SPINDOC: variants seen among roughly 807,000 people sequenced by gnomAD.
SPINDOC encodes the protein spindlin interactor and repressor of chromatin binding.
Under a neutral mutation model 30.7 loss-of-function variants are expected in SPINDOC, and 13 were observed. The ratio of observed to expected loss-of-function variants is 0.42; its 90% CI spans 0.28 to 0.67. SPINDOC has a LOEUF of 0.67. Ranked by LOEUF, SPINDOC falls within the 30% of genes least tolerant of loss-of-function variation. The pLI is 0.22. For missense variants in SPINDOC, 438 were observed against 518.0 expected, an observed-to-expected ratio of 0.85 and a Z score of 1.50; for synonymous variants, 228 against 211.4, an observed-to-expected ratio of 1.08 and a Z score of -0.68.
chr11:63,822,385 CAA>C (rs1482291208), intron 5 of SPINDOC, among the ~76,000 whole-genome samples: 5 of 120,312 alleles, frequency 4.2e-5, no homozygotes, highest in African/African-American at 6.7e-5. Context: ...AAAAAAGAAA[CAA>C]AGAAAAAAGG....
chr11:63,822,825 C>T lies in SPINDOC; in HGVS notation c.934+3823C>T, dbSNP rs147185437. On this transcript the variant is annotated intron_variant, in intron 5 of 5. Transcript: ENST00000294244. ...ATTTCAAGTCCTGGGGTACCCTGTG[C>T]GCAAACTCCATCTATCTGGAGTGGT... 3,211 of 1,289,114 alleles carry T rather than the reference C, an allele frequency of 2.5e-3. 8 individuals carry two copies. The highest frequency in any genetic ancestry group is 2.9e-3 in the Non-Finnish European group (2,828 of 988,694). The allele number at this position is 1,289,114 out of a possible 1,614,324, so 79.9% of individuals were successfully genotyped here. A position where few individuals can be genotyped will look rare whatever the true frequency, so the allele number is the denominator to read the frequency against.
At chr11:63,817,217 T>C (rs2015364917) in intron 1 of SPINDOC, among the ~76,000 whole-genome samples, 1 of 149,416 alleles carries the variant, frequency 6.7e-6, no homozygotes, top group Non-Finnish European at 1.5e-5. Flanking sequence ...ATGGTGGCGC[T>C]CACCTGTAGT....
intron 5 of SPINDOC, chr11:63,822,493 C>CCT (rs1392670658): frequency 1.3e-6 from 1 of 779,204 alleles, no homozygotes; most frequent in Non-Finnish European, 1.9e-6. Context: ...TGGTTTGTAT[C>CCT]CTTCAGAGAG....
At chr11:63,826,302 C>T (rs2015654086) in intron 5 of SPINDOC, among the ~76,000 whole-genome samples, 1 of 152,164 alleles carries the variant, frequency 6.6e-6, no homozygotes, top group African/African-American at 2.4e-5. Context: ...CACGCAGCCA[C>T]GGCAGTCCTC....
chr11:63,825,999 C>T lies in SPINDOC; in HGVS notation c.935-929C>T, dbSNP rs111582565. On this transcript the variant is annotated intron_variant, in intron 5 of 5. Coordinates refer to ENST00000294244, the MANE Select transcript of SPINDOC (RefSeq NM_138471.3). Reference sequence around the variant, plus strand: ...TATTGCCCAGGCTGGAGTGCAGTGGCGTGATCTTGGCTCACTGCAACCTCC... The same window carrying T: ...TATTGCCCAGGCTGGAGTGCAGTGGTGTGATCTTGGCTCACTGCAACCTCC... Among the ~76,000 whole-genome samples the T allele has an allele frequency of 2.4e-3, 363 of 151,650 alleles. 1 individual carries two copies. Among genetic ancestry groups the T allele is most frequent in the African/African-American group, 8.5e-3 (353 of 41,306 alleles).
At chr11:63,816,109 C>G (rs1295927881) in intron 1 of SPINDOC, among the ~76,000 whole-genome samples, 1 of 152,090 alleles carries the variant, frequency 6.6e-6, no homozygotes, top group African/African-American at 2.4e-5. Flanking sequence ...AGGCAGTGAA[C>G]ATCCCAAAAA....
At chr11:63,819,402 G>T (rs575783167) in intron 5 of SPINDOC, among the ~76,000 whole-genome samples, 1 of 151,650 alleles carries the variant, frequency 6.6e-6, no homozygotes, top group African/African-American at 2.4e-5. Flanking sequence ...GTAGAGACAG[G>T]GTTTTCCCAT....
At chr11:63,820,909 A>AAAAAAAC (rs749681859) in intron 5 of SPINDOC, among the ~76,000 whole-genome samples, 8 of 138,322 alleles carry the variant, frequency 5.8e-5, no homozygotes, top group Non-Finnish European at 1.1e-4. Flanking sequence ...AAAAAAAAAC[A>AAAAAAAC]ACACACATCG....
Position 63,813,627 on chromosome 11 carries a change from GCTGCGCGCCGAAGC to G in SPINDOC, c.-50_-37del, listed in dbSNP as rs979243634. Reference sequence around the variant, plus strand: ...GCCAGGAGGCGGGAGGCGGTTGCCGGCTGCGCGCCGAAGCCTGCGCGCCAGTCCTCCGGCCACTG... The same window carrying G: ...GCCAGGAGGCGGGAGGCGGTTGCCGGCTGCGCGCCAGTCCTCCGGCCACTG... On this transcript the variant is annotated 5_prime_UTR_variant, in exon 1 of 6. Coordinates refer to ENST00000294244, the MANE Select transcript of SPINDOC (RefSeq NM_138471.3). 81 of 1,428,306 alleles carry G rather than the reference GCTGCGCGCCGAAGC, an allele frequency of 5.7e-5. No homozygotes were observed. The highest frequency in any genetic ancestry group is 6.3e-5 in the Non-Finnish European group (68 of 1,086,360). 88.5% of individuals were successfully genotyped at this position (1,428,306 alleles called of 1,614,324 possible). A position where few individuals can be genotyped will look rare whatever the true frequency, so the allele number is the denominator to read the frequency against.
intron 5 of SPINDOC, among the ~76,000 whole-genome samples, chr11:63,826,240 T>C (rs1215680466): frequency 6.6e-6 from 1 of 152,204 alleles, no homozygotes; most frequent in East Asian, 1.9e-4. Context: ...CCAGCCCTAA[T>C]GTAACGTAAC....
intron 1 of SPINDOC, among the ~76,000 whole-genome samples, chr11:63,815,578 G>A (rs917728653): frequency 1.3e-5 from 2 of 152,288 alleles, no homozygotes; most frequent in East Asian, 1.9e-4. Context: ...ATTGCCAGCA[G>A]GCAGACAGTG....
At chr11:63,815,691 G>A (rs1320337554) in intron 1 of SPINDOC, among the ~76,000 whole-genome samples, 1 of 152,064 alleles carries the variant, frequency 6.6e-6, no homozygotes, top group East Asian at 1.9e-4. Context: ...ATTACTAAAT[G>A]CCACTGCATG....
At chr11:63,820,936 C>T (rs868382634) in intron 5 of SPINDOC, among the ~76,000 whole-genome samples, 2 of 150,384 alleles carry the variant, frequency 1.3e-5, no homozygotes, top group Non-Finnish European at 3.0e-5. Flanking sequence ...CCTGTAGTCC[C>T]AGCCACTTGG....
rs951414363 is a variant in SPINDOC, at chr11:63,827,398, C to A, written c.*259C>A. On this transcript the variant is annotated 3_prime_UTR_variant, in exon 6 of 6. Coordinates refer to ENST00000294244, the MANE Select transcript of SPINDOC (RefSeq NM_138471.3). ...GTGGAGAACACCTACCCCAGTCCTT[C>A]GCTGACCCCCACCTCTGTTTGTCCC... 8.8e-6 allele frequency: 5 copies of A among 566,456 alleles called. No individual in the cohort carries two copies. The highest frequency in any genetic ancestry group is 1.9e-5 in the African/African-American group (1 of 53,652). The allele number at this position is 566,456 out of a possible 1,614,324, so 35.1% of individuals were successfully genotyped here.
At position 63,813,618 on chromosome 11, in the gene SPINDOC, C is replaced by T. The variant is rs2015253822; in HGVS notation, c.-69C>T. ...GCTATTCCGGCCAGGAGGCGGGAGGCGGTTGCCGGCTGCGCGCCGAAGCCT... is the reference window on the plus strand; with the variant it reads ...GCTATTCCGGCCAGGAGGCGGGAGGTGGTTGCCGGCTGCGCGCCGAAGCCT... On this transcript the variant is annotated 5_prime_UTR_variant, in exon 1 of 6. Transcript: ENST00000294244. The T allele has an allele frequency of 5.0e-6, 7 of 1,391,054 alleles. No homozygotes were observed. The highest frequency in any genetic ancestry group is 5.6e-6 in the Non-Finnish European group (6 of 1,064,926). The allele number at this position is 1,391,054 out of a possible 1,614,324, so 86.2% of individuals were successfully genotyped here.
In SPINDOC at chr11:63,827,391, A is replaced by T. The variant is rs1030022577; in HGVS notation, c.*252A>T. 2 of 587,498 alleles carry T rather than the reference A, an allele frequency of 3.4e-6. No individual in the cohort carries two copies. Among genetic ancestry groups the T allele is most frequent in the Non-Finnish European group, 6.0e-6 (2 of 334,784 alleles). 36.4% of individuals were successfully genotyped at this position (587,498 alleles called of 1,614,324 possible). A position where few individuals can be genotyped will look rare whatever the true frequency, so the allele number is the denominator to read the frequency against. Reference sequence around the variant, plus strand: ...TGGGCCTGTGGAGAACACCTACCCCAGTCCTTCGCTGACCCCCACCTCTGT... The same window carrying T: ...TGGGCCTGTGGAGAACACCTACCCCTGTCCTTCGCTGACCCCCACCTCTGT... On this transcript the variant is annotated 3_prime_UTR_variant, in exon 6 of 6. Coordinates refer to ENST00000294244, the MANE Select transcript of SPINDOC (RefSeq NM_138471.3).
Position 63,827,261 on chromosome 11 carries a change from G to A in SPINDOC, c.*122G>A, listed in dbSNP as rs1043942650. ...TAGAAACAGGTGCCAGGGCAGGAGG[G>A]GGCTGGGGCAGCATCCACTGTTATT... On this transcript the variant is annotated 3_prime_UTR_variant, in exon 6 of 6. Transcript: ENST00000294244. 25 of 1,470,052 alleles carry A rather than the reference G, an allele frequency of 1.7e-5. No homozygotes were observed. Among genetic ancestry groups the A allele is most frequent in the Non-Finnish European group, 5.5e-6 (6 of 1,100,136 alleles). The allele number at this position is 1,470,052 out of a possible 1,614,324, so 91.1% of individuals were successfully genotyped here. A position where few individuals can be genotyped will look rare whatever the true frequency, so the allele number is the denominator to read the frequency against.
intron 1 of SPINDOC, among the ~76,000 whole-genome samples, chr11:63,815,525 G>A (rs2015315613): frequency 6.6e-6 from 1 of 152,154 alleles, no homozygotes; most frequent in Non-Finnish European, 1.5e-5. Flanking sequence ...AGATACATGG[G>A]CCTAGATTTC....
chr11:63,818,055 C>G lies in SPINDOC; in HGVS notation c.378C>G (p.Ser126Arg). Residue 126 changes from serine (S) to arginine (R), a missense_variant, in exon 2 of 6, where the codon AGC becomes AGG. By Grantham distance (110) the Ser-to-Arg change is moderately radical. This residue lies in a region of SPINDOC where 9 missense variants were observed against 32.5 expected (regional missense o/e 0.28). Transcript: ENST00000294244. The surrounding 1 kb of genome is among the most constrained non-coding windows in gnomAD (Gnocchi z 5.3). ...HTLDLSPSEK[S>R]NILEAWSEGV... ...TGGACCTGAGCCCTTCTGAGAAGAG[C>G]AATATCCTGGAGGCCTGGAGTGAAG... 1 of 1,614,174 alleles carries G rather than the reference C, an allele frequency of 6.2e-7. No homozygotes were observed. The highest frequency in any genetic ancestry group is 8.5e-7 in the Non-Finnish European group (1 of 1,180,020).
Sources: allele counts gnomAD v4.1 joint callset (sites outside exome capture counted in the v4.1 genomes callset), GRCh38; gene constraint gnomAD v4.1.1; regional missense constraint gnomAD v4.1.1; non-coding constraint Gnocchi (gnomAD v3.1); transcripts MANE v1.5; gene names NCBI Gene and HGNC (gene_info 2026-07-23, HGNC 2026-07-21).